Variants in NAV1 observed in about 807,000 individuals in gnomAD.
NAV1 encodes neuron navigator 1.
In NAV1, 18 loss-of-function variants were observed where a neutral mutation model predicts 175.2. The ratio of observed to expected loss-of-function variants is 0.10; its 90% CI spans 0.07 to 0.15. NAV1 has a LOEUF of 0.15. Among genes scored for constraint, NAV1 ranks in the 10% least tolerant of loss-of-function variants. The probability of loss-of-function intolerance (pLI) is 1.00; values close to 1 mark genes in which losing one functional copy is unlikely to be tolerated. For synonymous variants in NAV1, 897 were observed against 978.7 expected, an observed-to-expected ratio of 0.92 and a Z score of 1.56; for missense variants, 1,731 against 2,436.6, an observed-to-expected ratio of 0.71 and a Z score of 6.10.
At chr1:201,803,024 C>G (rs1162725940) in intron 15 of NAV1, among the ~76,000 whole-genome samples, 1 of 152,198 alleles carries the variant, frequency 6.6e-6, no homozygotes, top group South Asian at 2.1e-4. Context: ...TCTTTCAGTA[C>G]TCAGACATCT....
exon 1 of NAV1, chr1:201,623,188 A>G: frequency 1.0e-6 from 1 of 985,996 alleles, no homozygotes; most frequent in Non-Finnish European, 1.2e-6. Flanking sequence ...CCCATGGAAT[A>G]GTCCCAGGAC....
At chr1:201,809,010 T>A in intron 20 of NAV1, 139 bp downstream of exon 24, 1 of 1,291,782 alleles carries the variant, frequency 7.7e-7, no homozygotes, top group Non-Finnish European at 1.1e-6. Context: ...GACACTGAGT[T>A]GTAATGGTCC....
chr1:201,740,116 A>G lies in NAV1; in HGVS notation c.1226+21361A>G. On this transcript the variant is annotated intron_variant, in intron 3 of 29. Transcript: ENST00000367296. This position sits in a 1 kb window ranked among gnomAD's most constrained non-coding sequence, Gnocchi z 4.7. ...CCCCCTGGCCTCACCGCCAGACCGC[A>G]GAGCTGGGGTCGGGTTTGTGGCACC... is the stretch of plus-strand genomic sequence containing the variant. 1 of 1,409,356 alleles carries G rather than the reference A, an allele frequency of 7.1e-7. No homozygotes were observed. The highest frequency in any genetic ancestry group is 9.3e-7 in the Non-Finnish European group (1 of 1,079,110). 87.3% of individuals were successfully genotyped at this position (1,409,356 alleles called of 1,614,324 possible). A position where few individuals can be genotyped will look rare whatever the true frequency, so the allele number is the denominator to read the frequency against.
intron 3 of NAV1, chr1:201,739,670 G>A (rs239982): frequency 0.37 from 209,160 of 572,182 alleles, 40,414 homozygotes; most frequent in Non-Finnish European, 0.4. Context: ...CGAGCCCCCA[G>A]CCCCGTCGGC....
chr1:201,723,831 G>T (rs748923710), intron 3 of NAV1: 1 of 152,164 alleles, frequency 6.6e-6, no homozygotes, highest in African/African-American at 2.4e-5. Flanking sequence ...AATCTGTTTC[G>T]CTGTAACTTC....
chr1:201,633,180 G>A (rs1307496313), intron 2 of NAV1, among the ~76,000 whole-genome samples: 2 of 152,190 alleles, frequency 1.3e-5, no homozygotes, highest in Non-Finnish European at 2.9e-5. Flanking sequence ...AAGTTAGCAG[G>A]TGAACTAAAC....
At chr1:201,723,521 A>C (rs951541653) in intron 3 of NAV1, 1 of 152,216 alleles carries the variant, frequency 6.6e-6, no homozygotes, top group African/African-American at 2.4e-5. Flanking sequence ...ATCTAACGCC[A>C]TGCAGCTTTT....
chr1:201,585,934 A>G (rs556340090), intron 1 of NAV1, among the ~76,000 whole-genome samples: 32 of 152,296 alleles, frequency 2.1e-4, no homozygotes, highest in African/African-American at 7.5e-4. Context: ...TAAAAATAGA[A>G]TTGCCATATG....
At chr1:201,577,264 G>A (rs1666716350) in intron 1 of NAV1, among the ~76,000 whole-genome samples, 1 of 152,162 alleles carries the variant, frequency 6.6e-6, no homozygotes, top group East Asian at 1.9e-4. Flanking sequence ...CATTGTAACA[G>A]GGTCTTTTAC....
rs1671744693 is a variant in NAV1, at chr1:201,708,085, T to C, written c.758-4732T>C. On this transcript the variant is annotated intron_variant, in intron 1 of 29. Transcript: ENST00000367296. Reference sequence around the variant, plus strand: ...TCAAGTGTATTTGATTGCTAGTCCTTTCCCAAAGACCCTTGACATGGACAG... The same window carrying C: ...TCAAGTGTATTTGATTGCTAGTCCTCTCCCAAAGACCCTTGACATGGACAG... Among the ~76,000 whole-genome samples, 5 of 152,280 alleles carry C rather than the reference T, an allele frequency of 3.3e-5. No individual in the cohort carries two copies. In the South Asian group the frequency reaches 1.0e-3, roughly 32 times the overall value.
chr1:201,604,500 G>T (rs1667614747), intron 2 of NAV1, among the ~76,000 whole-genome samples: 1 of 152,062 alleles, frequency 6.6e-6, no homozygotes, highest in East Asian at 1.9e-4. Context: ...TAGCCAACAT[G>T]GTGAAACCCC....
At position 201,808,624 on chromosome 1, in the gene NAV1, C is replaced by A. The variant is rs112032363; in HGVS notation, c.4038+14C>A. On this transcript the variant is annotated intron_variant, in intron 19 of 29. Coordinates refer to ENST00000367296, the Ensembl canonical transcript of NAV1. The surrounding 1 kb of genome is among the most constrained non-coding windows in gnomAD (Gnocchi z 5.5). ...CACAACATGCAGGTCAGTGTCTGGG[C>A]GGACAGCTGCAGGAAAGGGAAGACC... is the stretch of plus-strand genomic sequence containing the variant. 3,535 of 1,614,220 alleles carry A rather than the reference C, an allele frequency of 2.2e-3. 59 individuals carry two copies. The African/African-American group carries it at 0.041, about 19-fold the overall frequency.
At chr1:201,705,578 A>G (rs1203747187) in intron 1 of NAV1, among the ~76,000 whole-genome samples, 1 of 152,190 alleles carries the variant, frequency 6.6e-6, no homozygotes, top group African/African-American at 2.4e-5. Flanking sequence ...GAGATTTGCC[A>G]TGCTGCGGGG....
At chr1:201,635,206 CT>C (rs3054496) in intron 2 of NAV1, among the ~76,000 whole-genome samples, 1,478 of 144,666 alleles carry the variant, frequency 0.01, 19 homozygotes, top group African/African-American at 0.032. Context: ...ACCTGGCTAT[CT>C]TTTTTTTTTT....
At chr1:201,620,377 C>A (rs544103759), upstream of NAV1, among the ~76,000 whole-genome samples, 3 of 151,958 alleles carry the variant, frequency 2.0e-5, no homozygotes, top group Admixed American at 1.3e-4. Flanking sequence ...TCTTTGCTCC[C>A]ATCTGTAATC....
At chr1:201,564,927 C>CTTCTCTGCAGCTAGGAAAGG (rs1201355099) in intron 1 of NAV1, among the ~76,000 whole-genome samples, 5 of 152,206 alleles carry the variant, frequency 3.3e-5, no homozygotes, top group Admixed American at 3.3e-4. Context: ...CATCTCGCTG[C>CTTCTCTGCAGCTAGGAAAGG]TTCTCTGCAG....
intron 1 of NAV1, among the ~76,000 whole-genome samples, chr1:201,708,329 G>T (rs2102460453): frequency 6.6e-6 from 1 of 152,186 alleles, no homozygotes; most frequent in Non-Finnish European, 1.5e-5. Context: ...GGAAAGGCTT[G>T]GAGGGCAGCC....
chr1:201,681,096 C>T (rs895135385), intron 1 of NAV1, among the ~76,000 whole-genome samples: 1 of 152,192 alleles, frequency 6.6e-6, no homozygotes, highest in African/African-American at 2.4e-5. Context: ...GGGGTGCCTT[C>T]CTAATGCACA....
Position 201,807,607 on chromosome 1 carries a change from AG to A in NAV1, c.3649-345del, listed in dbSNP as rs1678380106. Among the ~76,000 whole-genome samples, 2 of 152,320 alleles carry A rather than the reference AG, an allele frequency of 1.3e-5. No individual in the cohort carries two copies. Among genetic ancestry groups the A allele is most frequent in the East Asian group, 3.9e-4 (2 of 5,180 alleles). On this transcript the variant is annotated intron_variant, in intron 17 of 29. Coordinates refer to ENST00000367296, the Ensembl canonical transcript of NAV1. The surrounding 1 kb of genome is among the most constrained non-coding windows in gnomAD (Gnocchi z 5.4). ...CCTATGAGCAAGAGAACACCCAGGA[AG>A]TTCCCATAGCCTACAACATCAGCAA...
Sources: gnomAD v4.1 joint callset for allele counts (sites outside exome capture counted in the v4.1 genomes callset) on GRCh38, gnomAD v4.1.1 for gene constraint, Gnocchi (gnomAD v3.1) non-coding constraint, MANE v1.5 for transcripts, NCBI Gene and HGNC (gene_info 2026-07-23, HGNC 2026-07-21) for gene names.